ACO1: variants seen among roughly 807,000 people sequenced by gnomAD.
ACO1 encodes the protein aconitase 1.
A neutral mutation model predicts 105.1 loss-of-function variants in ACO1; 78 were observed. The observed-to-expected ratio is 0.74, with a 90% CI of 0.62 to 0.90. ACO1 has a LOEUF of 0.90. ACO1 is among the 40% of genes least tolerant of loss of function. The pLI, the probability that ACO1 is intolerant of heterozygous loss-of-function variation, is 0.00. For synonymous variants in ACO1, 364 were observed against 397.4 expected, an observed-to-expected ratio of 0.92 and a Z score of 1.00; for missense variants, 965 against 1,111.1, an observed-to-expected ratio of 0.87 and a Z score of 1.87.
rs544995050 is a variant in ACO1, at chr9:32,411,439, G to GA, written c.404+2794dup. Among the ~76,000 whole-genome samples the GA allele has an allele frequency of 1.3e-4, 19 of 151,902 alleles. No individual in the cohort carries two copies. The South Asian group carries it at 4.0e-3, about 32-fold the overall frequency. ...ATTTAGAAGCAACGAATGAAACACG[G>GA]AAAAAAGGTATAGATTTAGTTACTG... On this transcript the variant is annotated intron_variant, in intron 4 of 20. Transcript: ENST00000309951.
intron 7 of ACO1, among the ~76,000 whole-genome samples, chr9:32,419,636 C>G (rs780700189): frequency 3.3e-4 from 50 of 152,228 alleles, no homozygotes; most frequent in Admixed American, 2.4e-3. Flanking sequence ...TATGCTTTCA[C>G]TACATGTTTT....
chr9:32,384,747 C>A lies in ACO1; in HGVS notation c.-23+12C>A. 1 of 387,148 alleles carries A rather than the reference C, an allele frequency of 2.6e-6. No homozygotes were observed. Among genetic ancestry groups the A allele is most frequent in the Non-Finnish European group, 5.2e-6 (1 of 191,056 alleles). The allele number at this position is 387,148 out of a possible 1,614,324, so 24.0% of individuals were successfully genotyped here. A position where few individuals can be genotyped will look rare whatever the true frequency, so the allele number is the denominator to read the frequency against. On this transcript the variant is annotated intron_variant, in intron 1 of 20. Transcript: ENST00000309951. ...CCGTGCAGTCGGAGGTGAGTACCGA[C>A]GCGGCCCGACCCACGTCCCCAGGCG...
Position 32,420,349 on chromosome 9 carries a change from G to A in ACO1, c.799-507G>A, listed in dbSNP as rs72561740. Among the ~76,000 whole-genome samples the A allele has an allele frequency of 1.4e-3, 215 of 152,252 alleles. 1 individual carries two copies. The highest frequency in any genetic ancestry group is 4.9e-3 in the African/African-American group (205 of 41,560). ...AATTTAATATGTAGCACTTCCAGAC[G>A]CTTCCAATGATCTCATTAGAGAAAG... On this transcript the variant is annotated intron_variant, in intron 7 of 20. Transcript: ENST00000309951.
rs1054445534 is a variant in ACO1 at position 32,425,644 on chromosome 9, G to A, written c.1189-194G>A. On this transcript the variant is annotated intron_variant, in intron 10 of 20. Coordinates refer to ENST00000309951, the MANE Select transcript of ACO1 (RefSeq NM_002197.3). ...AAGATTTCAAACGAGTAATTTTTCT[G>A]TAGCATTTCAGAGTTTACTTGCAGA... Among the ~76,000 whole-genome samples the A allele has an allele frequency of 2.6e-5, 4 of 152,270 alleles. No individual in the cohort carries two copies. In the East Asian group the frequency reaches 7.7e-4, roughly 29 times the overall value.
chr9:32,428,516 CAAAA>C (rs921668107), intron 12 of ACO1, among the ~76,000 whole-genome samples: 44 of 150,924 alleles, frequency 2.9e-4, no homozygotes, highest in African/African-American at 1.1e-3. Flanking sequence ...TTTTAATAAA[CAAAA>C]AGAGTACACT....
intron 9 of ACO1, among the ~76,000 whole-genome samples, chr9:32,423,701 A>G (rs1250352973): frequency 6.6e-6 from 1 of 152,244 alleles, no homozygotes. Context: ...AAGACCACTG[A>G]AAGACTTTGC....
At chr9:32,411,867 A>G (rs139103492) in intron 4 of ACO1, among the ~76,000 whole-genome samples, 71 of 152,172 alleles carry the variant, frequency 4.7e-4, no homozygotes, top group African/African-American at 1.6e-3. Context: ...TACCCTTTAT[A>G]TCATTTATTT....
intron 18 of ACO1, among the ~76,000 whole-genome samples, chr9:32,438,480 G>T (rs897441958): frequency 6.6e-6 from 1 of 152,192 alleles, no homozygotes; most frequent in Non-Finnish European, 1.5e-5. Flanking sequence ...GTTGGAACGG[G>T]ACTGAGAGCT....
intron 1 of ACO1, among the ~76,000 whole-genome samples, chr9:32,393,628 T>C (rs1821312040): frequency 6.6e-6 from 1 of 152,124 alleles, no homozygotes; most frequent in African/African-American, 2.4e-5. Flanking sequence ...CTTTTGAAAA[T>C]CACTGATAAA....
intron 4 of ACO1, among the ~76,000 whole-genome samples, chr9:32,409,274 G>A (rs527242285): frequency 2.3e-4 from 35 of 152,302 alleles, no homozygotes; most frequent in Admixed American, 1.8e-3. Context: ...TGTAGCCCTT[G>A]AAGGGAAGTT....
chr9:32,385,474 T>C (rs955854430), intron 1 of ACO1, among the ~76,000 whole-genome samples: 15 of 152,238 alleles, frequency 9.9e-5, no homozygotes, highest in African/African-American at 3.1e-4. Flanking sequence ...TCCATATTTA[T>C]AATATGTAAG....
In ACO1 at chr9:32,418,413, G is replaced by C; in HGVS notation, c.560G>C (p.Arg187Thr). The change falls in exon 6 of 21, where the codon AGA (arginine) becomes ACA (threonine). Residue 187 changes from arginine (R) to threonine (T), a missense_variant. Arg to Thr is a moderately conservative substitution (Grantham distance 71, BLOSUM62 -1). Transcript: ENST00000309951. ...CAGGTGAATTTGGAATATTTGGCAA[G>C]AGTGGTATTTGATCAGGATGGATAT... Reference protein sequence around the residue: ...IHQVNLEYLARVVFDQDGYYY... With the variant: ...IHQVNLEYLATVVFDQDGYYY... 1.2e-6 allele frequency: 2 copies of C among 1,614,222 alleles called. No homozygotes were observed. Among genetic ancestry groups the C allele is most frequent in the Admixed American group, 1.7e-5 (1 of 60,032 alleles).
At chr9:32,424,208 C>T (rs1344518343) in intron 9 of ACO1, among the ~76,000 whole-genome samples, 1 of 152,154 alleles carries the variant, frequency 6.6e-6, no homozygotes, top group Non-Finnish European at 1.5e-5. Context: ...AGAAAACCCA[C>T]CTTCGGCCTA....
Position 32,408,597 on chromosome 9 carries a change from T to C in ACO1, c.350T>C (p.Val117Ala). ...GGAGATCCAGAGAAAATAAACCCTG[T>C]CTGCCCTGCTGATCTTGTAATAGAT... ...LGGDPEKINP[V>A]CPADLVIDHS... Residue 117 changes from valine to alanine, a missense_variant, in exon 4 of 21, where the codon GTC (valine) becomes GCC (alanine). Val to Ala is a moderately conservative substitution (Grantham distance 64, BLOSUM62 0). Transcript: ENST00000309951. 6.2e-7 allele frequency: 1 copy of C among 1,614,220 alleles called. No individual in the cohort carries two copies. Among genetic ancestry groups the C allele is most frequent in the South Asian group, 1.1e-5 (1 of 91,086 alleles).
Position 32,408,220 on chromosome 9 carries a change from G to A in ACO1, c.267-294G>A, listed in dbSNP as rs556652789. Among the ~76,000 whole-genome samples, 27 of 152,318 alleles carry A rather than the reference G, an allele frequency of 1.8e-4. No homozygotes were observed. The Middle Eastern group carries it at 0.01, about 58-fold the overall frequency. On this transcript the variant is annotated intron_variant, in intron 3 of 20. Transcript: ENST00000309951. The stretch of plus-strand genomic sequence containing the variant: ...CACTCACAGCAGTAAGAGTTCCAGA[G>A]TTGTTAAGTGCCAGCTTTCCCATCA...
At chr9:32,400,104 G>A (rs1821462599) in intron 1 of ACO1, among the ~76,000 whole-genome samples, 1 of 150,776 alleles carries the variant, frequency 6.6e-6, no homozygotes, top group Admixed American at 6.7e-5. Flanking sequence ...CTGAGTAGCT[G>A]GGACTCCAGG....
chr9:32,432,567 C>G (rs1556138), intron 15 of ACO1, among the ~76,000 whole-genome samples: 1 of 151,770 alleles, frequency 6.6e-6, no homozygotes, highest in East Asian at 1.9e-4. Context: ...CTCCAAAGGC[C>G]GAGTTAATGG....
intron 7 of ACO1, 103 bp from the exon 8 acceptor site, chr9:32,420,753 G>T: frequency 8.3e-7 from 1 of 1,208,532 alleles, no homozygotes; most frequent in Non-Finnish European, 1.2e-6. Context: ...TTACTATTTG[G>T]GTTTACTGAC....
chr9:32,416,482 C>T (rs949218586), intron 4 of ACO1, among the ~76,000 whole-genome samples: 24 of 152,286 alleles, frequency 1.6e-4, no homozygotes, highest in African/African-American at 5.8e-4. Context: ...GGCTGACTCA[C>T]CGTCATCCTT....
Sources: gnomAD v4.1 joint callset for allele counts (sites outside exome capture counted in the v4.1 genomes callset) on GRCh38, gnomAD v4.1.1 for gene constraint, MANE v1.5 for transcripts, NCBI Gene and HGNC (gene_info 2026-07-23, HGNC 2026-07-21) for gene names.